Variants in VWC2L observed in about 807,000 individuals in gnomAD.
The protein encoded by VWC2L is von Willebrand factor C domain containing 2 like.
Under a neutral mutation model 21.6 loss-of-function variants are expected in VWC2L, and 10 were observed. That is an observed-to-expected ratio of 0.46 (90% CI 0.29 to 0.78). The LOEUF is 0.78. Ranked by LOEUF, VWC2L falls within the 30% of genes least tolerant of loss-of-function variation. VWC2L has a pLI of 0.10. For synonymous variants in VWC2L, 96 were observed against 94.3 expected (o/e 1.02, Z -0.10); for missense variants, 209 against 277.1 (o/e 0.75, Z 1.74).
intron 3 of VWC2L, among the ~76,000 whole-genome samples, chr2:214,441,449 TA>T (rs1208005121): frequency 6.6e-6 from 1 of 152,016 alleles, no homozygotes; most frequent in African/African-American, 2.4e-5. Flanking sequence ...AGATAGAAAT[TA>T]AAACAATGGG....
At chr2:214,538,750 A>T (rs1183811140) in intron 3 of VWC2L, among the ~76,000 whole-genome samples, 1 of 151,990 alleles carries the variant, frequency 6.6e-6, no homozygotes, top group Admixed American at 6.6e-5. Context: ...AAGTTCATTC[A>T]TAAAATATCT....
rs181982747 is a variant in VWC2L, at chr2:214,533,466, A to G, written c.521-42206A>G. On this transcript the variant is annotated intron_variant, in intron 3 of 3. Coordinates refer to ENST00000312504, the MANE Select transcript of VWC2L (RefSeq NM_001080500.4). ...GCCACTGACTTGCTATCTAACTTCC[A>G]CTTTGGAATGTCTCTGCCTCCACAT... Among the ~76,000 whole-genome samples the G allele has an allele frequency of 2.7e-3, 409 of 151,590 alleles. 2 individuals are homozygous for G. Among genetic ancestry groups the G allele is most frequent in the Middle Eastern group, 0.017 (5 of 294 alleles).
intron 2 of VWC2L, among the ~76,000 whole-genome samples, chr2:214,418,417 C>T (rs1702387761): frequency 6.6e-6 from 1 of 152,182 alleles, no homozygotes; most frequent in African/African-American, 2.4e-5. Flanking sequence ...CCAAGCCAGG[C>T]AGCTTGACTG....
chr2:214,479,542 C>T (rs529813871), intron 3 of VWC2L, among the ~76,000 whole-genome samples: 4 of 152,302 alleles, frequency 2.6e-5, no homozygotes, highest in East Asian at 1.9e-4. Context: ...TGGTAGCTTA[C>T]GCCTGTTATC....
Position 214,414,246 on chromosome 2 carries a change from T to G in VWC2L, c.53T>G (p.Leu18Trp). The change falls in exon 2 of 4, where the codon TTG (leucine) becomes TGG (tryptophan). Residue 18 changes from leucine (L) to tryptophan (W), a missense_variant. Coordinates refer to ENST00000312504, the MANE Select transcript of VWC2L (RefSeq NM_001080500.4). The part of the protein sequence containing the change: ...ACILLLVIPG[L>W]VTSAAISHED... ...ATACTTCTGTTGGTCATCCCTGGAT[T>G]GGTCACCTCTGCTGCTATCAGTCAT... The G allele has an allele frequency of 6.2e-7, 1 of 1,613,812 alleles. No individual in the cohort carries two copies. The highest frequency in any genetic ancestry group is 8.5e-7 in the Non-Finnish European group (1 of 1,179,802).
At chr2:214,427,052 T>G (rs1702534889) in intron 2 of VWC2L, among the ~76,000 whole-genome samples, 1 of 152,212 alleles carries the variant, frequency 6.6e-6, no homozygotes, top group South Asian at 2.1e-4. Context: ...TTTGCCAATT[T>G]AGAGATTAAA....
chr2:214,454,387 T>C (rs1703022613), intron 3 of VWC2L, among the ~76,000 whole-genome samples: 2 of 152,000 alleles, frequency 1.3e-5, no homozygotes, highest in African/African-American at 2.4e-5. Context: ...CTTTCCTAAG[T>C]ATAATTTTAT....
chr2:214,508,103 A>G (rs1275873660), intron 3 of VWC2L, among the ~76,000 whole-genome samples: 2 of 151,990 alleles, frequency 1.3e-5, no homozygotes, highest in African/African-American at 4.8e-5. Flanking sequence ...CAGCCTCCCA[A>G]GTAGCTGGGA....
At chr2:214,465,800 G>A (rs1426430257) in intron 3 of VWC2L, among the ~76,000 whole-genome samples, 6 of 152,260 alleles carry the variant, frequency 3.9e-5, no homozygotes, top group African/African-American at 1.4e-4. Context: ...TCCTACTGTC[G>A]AGATGGGCAA....
chr2:214,491,665 C>G (rs986049256), intron 3 of VWC2L, among the ~76,000 whole-genome samples: 2 of 152,122 alleles, frequency 1.3e-5, no homozygotes, highest in African/African-American at 2.4e-5. Flanking sequence ...TCCTTTCACT[C>G]AATTCTAAGA....
intron 2 of VWC2L, among the ~76,000 whole-genome samples, chr2:214,417,933 T>G (rs1481686370): frequency 6.6e-6 from 1 of 152,122 alleles, no homozygotes; most frequent in Non-Finnish European, 1.5e-5. Flanking sequence ...AGGACAGTTT[T>G]CAGGGTAAAA....
chr2:214,521,729 TCCTTGCTCTACGAAAC>T (rs753073608), intron 3 of VWC2L, among the ~76,000 whole-genome samples: 2 of 152,232 alleles, frequency 1.3e-5, no homozygotes, highest in African/African-American at 2.4e-5. Flanking sequence ...GAGTAACTCT[TCCTTGCTCTACGAAAC>T]CATACCACAT....
Position 214,571,764 on chromosome 2 carries a change from TTC to T in VWC2L, c.521-3902_521-3901del, listed in dbSNP as rs561820019. 1.8e-3 allele frequency among the ~76,000 whole-genome samples: 277 copies of T among 152,298 alleles called. 1 individual carries two copies. Among genetic ancestry groups the T allele is most frequent in the African/African-American group, 6.2e-3 (256 of 41,564 alleles). ...TTTCATTCACATTCTTTCATTCATA[TTC>T]TCTCTTTCTTTCATTCATATTCATT... On this transcript the variant is annotated intron_variant, in intron 3 of 3. Coordinates refer to ENST00000312504, the MANE Select transcript of VWC2L (RefSeq NM_001080500.4).
intron 3 of VWC2L, among the ~76,000 whole-genome samples, chr2:214,538,845 T>A (rs1163599795): frequency 6.6e-6 from 1 of 152,102 alleles, no homozygotes; most frequent in African/African-American, 2.4e-5. Flanking sequence ...AGTGAGTGAA[T>A]CTGGGGTCAC....
intron 3 of VWC2L, among the ~76,000 whole-genome samples, chr2:214,573,296 G>A (rs1480296474): frequency 6.6e-6 from 1 of 152,008 alleles, no homozygotes; most frequent in Non-Finnish European, 1.5e-5. Context: ...AGATTCTTCT[G>A]ACTGTCGAAT....
At chr2:214,517,771 T>C (rs1689168104) in intron 3 of VWC2L, among the ~76,000 whole-genome samples, 1 of 152,110 alleles carries the variant, frequency 6.6e-6, no homozygotes, top group Non-Finnish European at 1.5e-5. Flanking sequence ...GGTTAAAAGA[T>C]GCCAAAAAGG....
intron 3 of VWC2L, among the ~76,000 whole-genome samples, chr2:214,483,604 A>C (rs1331136190): frequency 6.6e-6 from 1 of 152,216 alleles, no homozygotes; most frequent in African/African-American, 2.4e-5. Flanking sequence ...GTTTACATTC[A>C]ACTTAAATAG....
chr2:214,492,751 G>A (rs1688761909), intron 3 of VWC2L, among the ~76,000 whole-genome samples: 1 of 152,094 alleles, frequency 6.6e-6, no homozygotes, highest in Non-Finnish European at 1.5e-5. Flanking sequence ...GTTTTGGTAT[G>A]TCTGATGTAT....
chr2:214,573,046 C>T (rs112495581), intron 3 of VWC2L, among the ~76,000 whole-genome samples: 2,592 of 152,164 alleles, frequency 0.017, 64 homozygotes, highest in African/African-American at 0.057. Flanking sequence ...ACACACTGAC[C>T]GTAGTACGAT....
Sources: gnomAD v4.1 joint callset for allele counts (sites outside exome capture counted in the v4.1 genomes callset) on GRCh38, gnomAD v4.1.1 for gene constraint, MANE v1.5 for transcripts, NCBI Gene and HGNC (gene_info 2026-07-23, HGNC 2026-07-21) for gene names.